Variants in MEMO1 observed in about 807,000 individuals in gnomAD.
MEMO1 encodes mediator of cell motility 1.
In MEMO1, 6 loss-of-function variants were observed where a neutral mutation model predicts 45.2. That is an observed-to-expected ratio of 0.13 (90% CI 0.07 to 0.26). MEMO1 has a LOEUF of 0.26. Among genes scored for constraint, MEMO1 ranks in the 10% least tolerant of loss-of-function variants. The probability of loss-of-function intolerance (pLI) is 1.00; values close to 1 mark genes in which losing one functional copy is unlikely to be tolerated. For synonymous variants in MEMO1, 78 were observed against 124.3 expected (o/e 0.63, Z 2.48); for missense variants, 184 against 370.5 (o/e 0.50, Z 4.13).
intron 9 of MEMO1, among the ~76,000 whole-genome samples, chr2:31,868,793 CT>C (rs1171011582): frequency 2.0e-5 from 3 of 152,052 alleles, no homozygotes; most frequent in Non-Finnish European, 4.4e-5. Context: ...ATATATTTCT[CT>C]TTACCGTATA....
chr2:31,992,941 A>G (rs1172803788), intron 2 of MEMO1, among the ~76,000 whole-genome samples: 1 of 152,194 alleles, frequency 6.6e-6, no homozygotes, highest in African/African-American at 2.4e-5. Flanking sequence ...CTATGGAAAA[A>G]AAATCATCAG....
chr2:31,878,617 T>C (rs1187160012), intron 8 of MEMO1, among the ~76,000 whole-genome samples: 2 of 152,122 alleles, frequency 1.3e-5, no homozygotes, highest in Non-Finnish European at 2.9e-5. Context: ...ATGTACGGTG[T>C]TTGAGCACGT....
At chr2:31,911,491 A>G (rs1680561318) in intron 6 of MEMO1, among the ~76,000 whole-genome samples, 1 of 152,210 alleles carries the variant, frequency 6.6e-6, no homozygotes, top group East Asian at 1.9e-4. Flanking sequence ...AGACTATCCA[A>G]CACAAAGAGT....
chr2:32,000,452 G>A (rs956569584), intron 2 of MEMO1, among the ~76,000 whole-genome samples: 1 of 151,380 alleles, frequency 6.6e-6, no homozygotes, highest in African/African-American at 2.4e-5. Flanking sequence ...GGATGGTCTC[G>A]ATCTCCTGAC....
chr2:31,953,366 C>CAAA (rs1227298943), intron 2 of MEMO1, among the ~76,000 whole-genome samples: 2 of 72,514 alleles, frequency 2.8e-5, no homozygotes, highest in Admixed American at 1.6e-4. Flanking sequence ...AACTCCGTCT[C>CAAA]AAAAAAAAAA....
chr2:31,887,134 G>A (rs1359325657), intron 7 of MEMO1, among the ~76,000 whole-genome samples: 1 of 152,192 alleles, frequency 6.6e-6, no homozygotes, highest in East Asian at 1.9e-4. Flanking sequence ...CTCCAAAGGT[G>A]ACTGGTGATT....
chr2:31,934,065 T>A (rs1477191842), intron 3 of MEMO1, among the ~76,000 whole-genome samples: 1 of 152,210 alleles, frequency 6.6e-6, no homozygotes, highest in African/African-American at 2.4e-5. Flanking sequence ...CCTGTCCATG[T>A]GGACCTTAAA....
intron 2 of MEMO1, among the ~76,000 whole-genome samples, chr2:31,972,119 C>T (rs1669482336): frequency 6.6e-6 from 1 of 152,158 alleles, no homozygotes; most frequent in Admixed American, 6.5e-5. Context: ...ATGTGAAATA[C>T]CTTTTTTTAT....
chr2:31,952,270 T>G (rs547678220), intron 2 of MEMO1, among the ~76,000 whole-genome samples: 2 of 152,310 alleles, frequency 1.3e-5, no homozygotes, highest in African/African-American at 4.8e-5. Context: ...AAGTATTTAT[T>G]TACATTTTTG....
At chr2:31,917,554 A>C (rs543325482) in intron 6 of MEMO1, among the ~76,000 whole-genome samples, 1 of 152,330 alleles carries the variant, frequency 6.6e-6, no homozygotes, top group Admixed American at 6.5e-5. Flanking sequence ...CCAACATTAA[A>C]TACAAGCCTA....
intron 9 of MEMO1, among the ~76,000 whole-genome samples, chr2:31,869,346 T>G (rs1673324528): frequency 6.6e-6 from 1 of 152,136 alleles, no homozygotes; most frequent in Non-Finnish European, 1.5e-5. Flanking sequence ...TTTTCTAAAA[T>G]CCAGCTAACC....
At chr2:31,919,927 T>G (rs1572681841) in intron 5 of MEMO1, among the ~76,000 whole-genome samples, 1 of 144,250 alleles carries the variant, frequency 6.9e-6, no homozygotes, top group African/African-American at 2.6e-5. Flanking sequence ...TATGTATACA[T>G]GCACATGCAC....
At chr2:31,985,207 G>A (rs925432312) in intron 2 of MEMO1, among the ~76,000 whole-genome samples, 2 of 152,130 alleles carry the variant, frequency 1.3e-5, no homozygotes, top group African/African-American at 4.8e-5. Flanking sequence ...TAAGAGATAT[G>A]TATTCCCAAG....
intron 7 of MEMO1, among the ~76,000 whole-genome samples, chr2:31,885,308 T>C (rs1163531219): frequency 1.3e-5 from 2 of 152,110 alleles, no homozygotes; most frequent in East Asian, 3.9e-4. Context: ...TTAGTAAAGA[T>C]GGGGTTTCAC....
At chr2:31,974,405 G>A (rs1669760555) in intron 2 of MEMO1, among the ~76,000 whole-genome samples, 1 of 152,104 alleles carries the variant, frequency 6.6e-6, no homozygotes, top group African/African-American at 2.4e-5. Flanking sequence ...GAATATTTAA[G>A]GTGTTATATA....
chr2:32,006,463 G>A (rs1433828663), intron 2 of MEMO1, among the ~76,000 whole-genome samples: 2 of 152,162 alleles, frequency 1.3e-5, no homozygotes, highest in Non-Finnish European at 2.9e-5. Flanking sequence ...TTTTTTCTAT[G>A]AAGAGCCAAA....
At chr2:31,916,764 A>G (rs1391215880) in intron 6 of MEMO1, among the ~76,000 whole-genome samples, 1 of 152,224 alleles carries the variant, frequency 6.6e-6, no homozygotes, top group Non-Finnish European at 1.5e-5. Context: ...AAAATTCTTC[A>G]GATTTATATA....
intron 8 of MEMO1, among the ~76,000 whole-genome samples, chr2:31,877,968 G>A (rs182309748): frequency 2.0e-5 from 3 of 152,150 alleles, no homozygotes; most frequent in South Asian, 2.1e-4. Flanking sequence ...TGTATACATC[G>A]GAGAACAAAA....
intron 2 of MEMO1, among the ~76,000 whole-genome samples, chr2:31,968,741 C>T (rs1263637035): frequency 6.6e-6 from 1 of 152,132 alleles, no homozygotes; most frequent in Non-Finnish European, 1.5e-5. Flanking sequence ...TTTCACAATT[C>T]AATGTCTATT....
Sources: gnomAD v4.1 joint callset for allele counts (sites outside exome capture counted in the v4.1 genomes callset) on GRCh38, gnomAD v4.1.1 for gene constraint, MANE v1.5 for transcripts, NCBI Gene and HGNC (gene_info 2026-07-23, HGNC 2026-07-21) for gene names.